KCNH1: variants seen among roughly 807,000 people sequenced by gnomAD.
KCNH1 encodes voltage-gated delayed rectifier potassium channel KCNH1.
In KCNH1, 27 loss-of-function variants were observed where a neutral mutation model predicts 69.2. The observed-to-expected ratio is 0.39, with a 90% confidence interval of 0.29 to 0.54. The LOEUF (loss-of-function observed/expected upper bound fraction) is 0.54, where lower values mean the gene tolerates loss of function less well. Among genes scored for constraint, KCNH1 ranks in the 20% least tolerant of loss-of-function variants. The probability of loss-of-function intolerance (pLI) is 0.68; values close to 1 mark genes in which losing one functional copy is unlikely to be tolerated. For synonymous variants in KCNH1, 456 were observed against 487.7 expected, an observed-to-expected ratio of 0.93 and a Z score of 0.86; for missense variants, 798 against 1,261.6, an observed-to-expected ratio of 0.63 and a Z score of 5.57.
intron 3 of KCNH1, among the ~76,000 whole-genome samples, chr1:211,097,019 T>C (rs1341281982): frequency 6.6e-6 from 1 of 152,204 alleles, no homozygotes; most frequent in Non-Finnish European, 1.5e-5. Context: ...CCATTTCAAA[T>C]GTGGGGAACC....
intron 6 of KCNH1, among the ~76,000 whole-genome samples, chr1:211,001,154 T>C (rs1267740831): frequency 6.6e-6 from 1 of 151,958 alleles, no homozygotes; most frequent in African/African-American, 2.4e-5. Flanking sequence ...AAAGACAAAA[T>C]TGACAAATGG....
chr1:210,794,686 G>T (rs938151285), intron 9 of KCNH1, among the ~76,000 whole-genome samples: 1 of 152,186 alleles, frequency 6.6e-6, no homozygotes, highest in African/African-American at 2.4e-5. Flanking sequence ...GCTGTGTGTG[G>T]TGAGTCATGA....
chr1:211,106,155 AT>A (rs1264606637), intron 2 of KCNH1, among the ~76,000 whole-genome samples: 1 of 152,208 alleles, frequency 6.6e-6, no homozygotes, highest in Non-Finnish European at 1.5e-5. Flanking sequence ...GGCATGAATG[AT>A]TCCACTTCAT....
intron 1 of KCNH1, among the ~76,000 whole-genome samples, chr1:211,109,999 G>A (rs1691428599): frequency 6.7e-6 from 1 of 148,748 alleles, no homozygotes; most frequent in Non-Finnish European, 1.5e-5. Flanking sequence ...AAGTAGTACA[G>A]AAAGAGAAAG....
At chr1:210,790,536 A>G (rs2102391603) in intron 9 of KCNH1, among the ~76,000 whole-genome samples, 1 of 152,336 alleles carries the variant, frequency 6.6e-6, no homozygotes, top group East Asian at 1.9e-4. Context: ...AAAATACAAG[A>G]TACCCAGTTA....
chr1:210,709,722 A>AAGAG (rs71831798), intron 10 of KCNH1, among the ~76,000 whole-genome samples: 3 of 99,970 alleles, frequency 3.0e-5, no homozygotes, highest in Admixed American at 1.0e-4. Flanking sequence ...AGAAAGAAAG[A>AAGAG]AGAGAGAGAG....
At chr1:211,046,310 T>A (rs1690094450) in intron 5 of KCNH1, among the ~76,000 whole-genome samples, 1 of 152,180 alleles carries the variant, frequency 6.6e-6, no homozygotes, top group South Asian at 2.1e-4. Context: ...GGATATGTTA[T>A]GTTCTAGGTT....
At chr1:210,933,644 A>G (rs1687723934) in intron 6 of KCNH1, among the ~76,000 whole-genome samples, 2 of 152,258 alleles carry the variant, frequency 1.3e-5, no homozygotes, top group Admixed American at 6.5e-5. Flanking sequence ...CATTAGCTAA[A>G]CCAACTAGGA....
At chr1:210,716,424 T>A (rs1472025010) in intron 10 of KCNH1, among the ~76,000 whole-genome samples, 5 of 72,204 alleles carry the variant, frequency 6.9e-5, no homozygotes, top group Non-Finnish European at 7.3e-5. Flanking sequence ...AGAGCAAGAC[T>A]CCGTCTCAAA....
intron 6 of KCNH1, among the ~76,000 whole-genome samples, chr1:210,957,297 G>A (rs1433567923): frequency 6.6e-6 from 1 of 152,122 alleles, no homozygotes; most frequent in South Asian, 2.1e-4. Flanking sequence ...TGTGATTTCT[G>A]TTCTTCTACA....
chr1:210,822,719 A>T (rs188191578), intron 7 of KCNH1, among the ~76,000 whole-genome samples: 5 of 151,662 alleles, frequency 3.3e-5, no homozygotes, highest in African/African-American at 9.7e-5. Context: ...CCACATAAAA[A>T]CTCTCATCTG....
At chr1:210,834,796 T>A (rs1253619614) in intron 7 of KCNH1, among the ~76,000 whole-genome samples, 5 of 151,896 alleles carry the variant, frequency 3.3e-5, no homozygotes, top group Admixed American at 1.3e-4. Flanking sequence ...CCAATGGAAG[T>A]AGCATGGGAG....
intron 6 of KCNH1, among the ~76,000 whole-genome samples, chr1:210,989,130 T>C (rs1018535767): frequency 6.6e-6 from 1 of 152,212 alleles, no homozygotes; most frequent in Non-Finnish European, 1.5e-5. Context: ...TCCATGTTCA[T>C]GGGCTGGCCC....
intron 5 of KCNH1, among the ~76,000 whole-genome samples, chr1:211,029,006 T>C (rs1379609982): frequency 7.9e-5 from 12 of 151,708 alleles, no homozygotes; most frequent in Non-Finnish European, 1.5e-5. Context: ...CAAATATCCT[T>C]AACAAATAGT....
At chr1:210,760,063 G>A (rs980357547) in intron 10 of KCNH1, among the ~76,000 whole-genome samples, 14 of 152,056 alleles carry the variant, frequency 9.2e-5, no homozygotes, top group African/African-American at 2.4e-4. Flanking sequence ...CACTCCTTAC[G>A]AGATGAAACA....
chr1:210,798,553 T>A (rs911844251), intron 8 of KCNH1, among the ~76,000 whole-genome samples: 1 of 152,178 alleles, frequency 6.6e-6, no homozygotes, highest in Non-Finnish European at 1.5e-5. Flanking sequence ...ATTCCAAGTA[T>A]GATAGAGAAA....
intron 5 of KCNH1, among the ~76,000 whole-genome samples, chr1:211,065,414 T>A (rs988448181): frequency 6.6e-6 from 1 of 152,174 alleles, no homozygotes; most frequent in South Asian, 2.1e-4. Flanking sequence ...ATCTCGCTTG[T>A]ATGTGGAACC....
Position 210,919,386 on chromosome 1 carries a change from A to G in KCNH1, c.1462+254T>C, listed in dbSNP as rs546209518. 76 of 480,708 alleles carry G rather than the reference A, an allele frequency of 1.6e-4. No homozygotes were observed. In the South Asian group the frequency reaches 2.0e-3, roughly 13 times the overall value. The allele number at this position is 480,708 out of a possible 1,614,324, so 29.8% of individuals were successfully genotyped here. ...GTCTGTAAGAGAAGACACCAACAGT[A>G]TTAGTAGTTATCTCTGAAAAGCAGA... On this transcript the variant is annotated intron_variant, in intron 7 of 10. Coordinates refer to ENST00000271751, the MANE Select transcript of KCNH1 (RefSeq NM_172362.3). This position sits in a 1 kb window ranked among gnomAD's most constrained non-coding sequence, Gnocchi z 4.2.
intron 9 of KCNH1, among the ~76,000 whole-genome samples, chr1:210,781,480 G>A (rs1683984765): frequency 6.6e-6 from 1 of 152,118 alleles, no homozygotes; most frequent in Admixed American, 6.5e-5. Flanking sequence ...AAATGCAGCT[G>A]CAGAGTCCTG....
Sources: allele counts gnomAD v4.1 joint callset (sites outside exome capture counted in the v4.1 genomes callset), GRCh38; gene constraint gnomAD v4.1.1; non-coding constraint Gnocchi (gnomAD v3.1); transcripts MANE v1.5; gene names NCBI Gene and HGNC (gene_info 2026-07-23, HGNC 2026-07-21).